The following ELMO1 variants were observed in gnomAD, a reference collection of about 807,000 sequenced individuals.
ELMO1 encodes engulfment and cell motility 1.
In ELMO1, 26 loss-of-function variants were observed where a neutral mutation model predicts 98.9. The ratio of observed to expected loss-of-function variants is 0.26; its 90% CI spans 0.19 to 0.36. The LOEUF is 0.36. Among genes scored for constraint, ELMO1 ranks in the 10% least tolerant of loss-of-function variants. The pLI, the probability that ELMO1 is intolerant of heterozygous loss-of-function variation, is 1.00. For synonymous variants in ELMO1, 346 were observed against 346.0 expected, an observed-to-expected ratio of 1.00 and a Z score of 0.00; for missense variants, 627 against 935.2, an observed-to-expected ratio of 0.67 and a Z score of 4.30.
At chr7:37,074,444 C>T (rs756153683) in intron 15 of ELMO1, among the ~76,000 whole-genome samples, 1 of 152,112 alleles carries the variant, frequency 6.6e-6, no homozygotes, top group Non-Finnish European at 1.5e-5. Context: ...TTATCTTCAC[C>T]AGATCAATAA....
intron 13 of ELMO1, among the ~76,000 whole-genome samples, chr7:37,192,953 T>G (rs138978513): frequency 7.4e-6 from 1 of 135,756 alleles, no homozygotes; most frequent in African/African-American, 2.7e-5. Flanking sequence ...ACATATATAT[T>G]TTTTATATAT....
chr7:36,870,356 G>A lies in ELMO1; in HGVS notation c.1905+37C>T. The A allele has an allele frequency of 6.2e-7, 1 of 1,606,260 alleles. No homozygotes were observed. The highest frequency in any genetic ancestry group is 1.1e-5 in the South Asian group (1 of 90,856). On this transcript the variant is annotated intron_variant, in intron 20 of 21. Coordinates refer to ENST00000310758, the MANE Select transcript of ELMO1 (RefSeq NM_014800.11). This position sits in a 1 kb window ranked among gnomAD's most constrained non-coding sequence, Gnocchi z 4.4. ...TGGCTGCAGTTGCCGACCGCACTGG[G>A]CAAATAGAGCTATTTGCAATAATTT...
At chr7:37,428,497 G>C (rs1291097597) in intron 1 of ELMO1, among the ~76,000 whole-genome samples, 1 of 152,202 alleles carries the variant, frequency 6.6e-6, no homozygotes, top group East Asian at 1.9e-4. Context: ...TGTGTCACCA[G>C]AGCGATAATC....
At chr7:37,445,199 C>G (rs1805561217) in intron 1 of ELMO1, among the ~76,000 whole-genome samples, 1 of 152,168 alleles carries the variant, frequency 6.6e-6, no homozygotes, top group Non-Finnish European at 1.5e-5. Context: ...GCTTAAAAAG[C>G]ACTTCTCTGG....
intron 8 of ELMO1, among the ~76,000 whole-genome samples, chr7:37,230,529 C>T (rs530046016): frequency 4.6e-5 from 7 of 152,302 alleles, no homozygotes; most frequent in Middle Eastern, 3.4e-3. Flanking sequence ...CCACTGCATC[C>T]CTGCCTCCTA....
At chr7:37,444,739 C>T (rs567479341) in intron 1 of ELMO1, among the ~76,000 whole-genome samples, 20 of 152,320 alleles carry the variant, frequency 1.3e-4, no homozygotes, top group Admixed American at 1.2e-3. Context: ...TGGTCTGGAT[C>T]TCCTGACCTC....
At chr7:37,115,710 C>A (rs1028151314) in intron 14 of ELMO1, among the ~76,000 whole-genome samples, 1 of 151,684 alleles carries the variant, frequency 6.6e-6, no homozygotes, top group African/African-American at 2.4e-5. Flanking sequence ...GCTCCTATCA[C>A]CCCTATGTAA....
chr7:37,340,365 T>C (rs1800649857), intron 2 of ELMO1, among the ~76,000 whole-genome samples: 1 of 152,190 alleles, frequency 6.6e-6, no homozygotes, highest in East Asian at 1.9e-4. Flanking sequence ...TTCTTTGTAC[T>C]ATCCTGGCAA....
At chr7:37,313,625 C>G (rs371639905) in intron 4 of ELMO1, among the ~76,000 whole-genome samples, 20 of 152,280 alleles carry the variant, frequency 1.3e-4, no homozygotes, top group South Asian at 4.1e-4. Flanking sequence ...CTGGGAAGAA[C>G]GAAGCAATTT....
intron 14 of ELMO1, among the ~76,000 whole-genome samples, chr7:37,126,329 A>AT (rs1563019733): frequency 7.0e-6 from 1 of 142,408 alleles, no homozygotes; most frequent in Non-Finnish European, 1.5e-5. Flanking sequence ...ATATATATAT[A>AT]AAAGAAAAGA....
chr7:36,997,961 C>T (rs965953764), intron 16 of ELMO1: 1 of 151,972 alleles, frequency 6.6e-6, no homozygotes. Flanking sequence ...CAGACCACGT[C>T]GAGGTGAGGA....
At chr7:37,077,960 C>A (rs1167792389) in intron 15 of ELMO1, among the ~76,000 whole-genome samples, 2 of 152,142 alleles carry the variant, frequency 1.3e-5, no homozygotes. Context: ...TTGATATTTT[C>A]CTCTTTTATT....
At chr7:37,107,851 G>T (rs977952218) in intron 14 of ELMO1, among the ~76,000 whole-genome samples, 1 of 152,188 alleles carries the variant, frequency 6.6e-6, no homozygotes, top group Admixed American at 6.5e-5. Context: ...GTCTAAGTCA[G>T]CTCCCACTCA....
rs568930436 is a variant in ELMO1, at chr7:37,376,255, G to T, written c.-73-33492C>A. 3.9e-5 allele frequency among the ~76,000 whole-genome samples: 6 copies of T among 152,198 alleles called. No individual in the cohort carries two copies. In the South Asian group the frequency reaches 1.0e-3, roughly 26 times the overall value. On this transcript the variant is annotated intron_variant, in intron 1 of 21. Coordinates refer to ENST00000310758, the MANE Select transcript of ELMO1 (RefSeq NM_014800.11). ...TTTGCAAAAAACTATGACAGTGAAA[G>T]AAATCTGACATACCTGACTCCATCT... is the stretch of plus-strand genomic sequence containing the variant.
intron 1 of ELMO1, among the ~76,000 whole-genome samples, chr7:37,428,032 T>G (rs376234182): frequency 1.6e-4 from 11 of 68,556 alleles, no homozygotes; most frequent in African/African-American, 3.6e-4. Context: ...ATGCTTGGGG[T>G]GTGTGTGTGT....
Position 36,870,480 on chromosome 7 carries a change from A to G in ELMO1, c.1823-5T>C. 6.2e-7 allele frequency: 1 copy of G among 1,612,902 alleles called. No homozygotes were observed. The highest frequency in any genetic ancestry group is 8.5e-7 in the Non-Finnish European group (1 of 1,179,672). The stretch of plus-strand genomic sequence containing the variant: ...CTTTGATATCTGCCACCGGCACTGC[A>G]ATTCATAAAAGAAAATGCAAGTAAC... On this transcript the variant is annotated splice_polypyrimidine_tract_variant and splice_region_variant and intron_variant, in intron 19 of 21. Coordinates refer to ENST00000310758, the MANE Select transcript of ELMO1 (RefSeq NM_014800.11). This position sits in a 1 kb window ranked among gnomAD's most constrained non-coding sequence, Gnocchi z 4.4.
intron 4 of ELMO1, among the ~76,000 whole-genome samples, chr7:37,309,094 T>G (rs1020300308): frequency 6.6e-6 from 1 of 152,104 alleles, no homozygotes; most frequent in African/African-American, 2.4e-5. Context: ...ATGCTGCTAA[T>G]AAAGACATAC....
intron 8 of ELMO1, among the ~76,000 whole-genome samples, 195 bp downstream of exon 8, chr7:37,232,900 T>C (rs1794255668): frequency 6.6e-6 from 1 of 152,218 alleles, no homozygotes; most frequent in Admixed American, 6.5e-5. Context: ...TGCAATCCCT[T>C]ATAATCTCTT....
intron 13 of ELMO1, among the ~76,000 whole-genome samples, chr7:37,203,712 C>T (rs1233225292): frequency 6.6e-6 from 1 of 152,098 alleles, no homozygotes; most frequent in Non-Finnish European, 1.5e-5. Flanking sequence ...GTTTGTCTGG[C>T]AGGCATTAGG....
Sources: allele counts gnomAD v4.1 joint callset (sites outside exome capture counted in the v4.1 genomes callset), GRCh38; gene constraint gnomAD v4.1.1; non-coding constraint Gnocchi (gnomAD v3.1); transcripts MANE v1.5; gene names NCBI Gene and HGNC (gene_info 2026-07-23, HGNC 2026-07-21).